CTNND2: variants seen among roughly 807,000 people sequenced by gnomAD.
CTNND2 encodes catenin delta-2.
CTNND2 carries 22 observed loss-of-function variants against 144.4 expected under a neutral mutation model. The ratio of observed to expected loss-of-function variants is 0.15; its 90% CI spans 0.11 to 0.22. CTNND2 has a LOEUF of 0.22. CTNND2 is among the 10% of genes least tolerant of loss of function. CTNND2 has a pLI of 1.00. For synonymous variants in CTNND2, 751 were observed against 695.6 expected, an observed-to-expected ratio of 1.08 and a Z score of -1.25; for missense variants, 1,353 against 1,618.8, an observed-to-expected ratio of 0.84 and a Z score of 2.82.
chr5:11,871,908 C>A (rs1735160544), intron 1 of CTNND2, among the ~76,000 whole-genome samples: 1 of 152,104 alleles, frequency 6.6e-6, no homozygotes, highest in Non-Finnish European at 1.5e-5. Context: ...AAAATCTATT[C>A]ATTCTTTTTT....
In CTNND2 at chr5:11,282,465, T is replaced by C. The variant is rs1290232513; in HGVS notation, c.1629-45642A>G. Among the ~76,000 whole-genome samples the C allele has an allele frequency of 2.6e-5, 4 of 152,102 alleles. No homozygotes were observed. The East Asian group carries it at 7.7e-4, about 29-fold the overall frequency. ...AATCACGTGTTGTTTTGAAAATCAC[T>C]CCAAGGTGGTTCTGATAAGCTCCAA... On this transcript the variant is annotated intron_variant, in intron 9 of 21. Transcript: ENST00000304623.
At chr5:11,126,000 T>A (rs762021139) in intron 12 of CTNND2, among the ~76,000 whole-genome samples, 16 of 152,320 alleles carry the variant, frequency 1.1e-4, no homozygotes, top group Admixed American at 2.0e-4. Flanking sequence ...ACTTTTGGTA[T>A]CTCATGGTAT....
At position 11,132,098 on chromosome 5, in the gene CTNND2, G is replaced by A. The variant is rs186832654; in HGVS notation, c.2160-14531C>T. The stretch of plus-strand genomic sequence containing the variant: ...CTGCATATACTCTCACATACTCTTG[G>A]GTCTTAACCCTTTGTTTTGTGCAAT... On this transcript the variant is annotated intron_variant, in intron 12 of 21. Transcript: ENST00000304623. Among the ~76,000 whole-genome samples, 438 of 152,208 alleles carry A rather than the reference G, an allele frequency of 2.9e-3. 3 individuals are homozygous for A. The highest frequency in any genetic ancestry group is 4.2e-3 in the Non-Finnish European group (284 of 68,002).
intron 1 of CTNND2, among the ~76,000 whole-genome samples, chr5:11,813,591 A>C (rs1026457774): frequency 6.6e-6 from 1 of 152,222 alleles, no homozygotes; most frequent in Non-Finnish European, 1.5e-5. Context: ...GGTGATACAT[A>C]TATCTCATTC....
At chr5:11,507,105 G>A (rs1405374801) in intron 3 of CTNND2, among the ~76,000 whole-genome samples, 2 of 152,092 alleles carry the variant, frequency 1.3e-5, no homozygotes, top group East Asian at 1.9e-4. Context: ...ACTGTAATAG[G>A]CTCGTACCTG....
chr5:11,131,572 G>A (rs900265587), intron 12 of CTNND2, among the ~76,000 whole-genome samples: 1 of 152,196 alleles, frequency 6.6e-6, no homozygotes, highest in Admixed American at 6.5e-5. Context: ...CGGATAACGA[G>A]GTCAGGAGAT....
At chr5:11,243,650 A>C (rs1246966720) in intron 9 of CTNND2, among the ~76,000 whole-genome samples, 1 of 152,250 alleles carries the variant, frequency 6.6e-6, no homozygotes, top group Non-Finnish European at 1.5e-5. Context: ...ACAGGCCCAC[A>C]ATATTGTGAG....
chr5:11,641,223 A>G (rs1272900074), intron 2 of CTNND2, among the ~76,000 whole-genome samples: 6 of 152,154 alleles, frequency 3.9e-5, no homozygotes, highest in Admixed American at 1.3e-4. Context: ...AAAGAATCAA[A>G]TATGAACATA....
intron 3 of CTNND2, among the ~76,000 whole-genome samples, chr5:11,491,452 G>A (rs1039722114): frequency 2.0e-5 from 3 of 152,150 alleles, no homozygotes; most frequent in Non-Finnish European, 4.4e-5. Context: ...CCCATTTTAT[G>A]GAAGAGTAAC....
At chr5:11,232,826 C>T (rs933245922) in intron 10 of CTNND2, among the ~76,000 whole-genome samples, 10 of 152,144 alleles carry the variant, frequency 6.6e-5, no homozygotes, top group African/African-American at 1.7e-4. Flanking sequence ...TGTGTCCCCA[C>T]CCAAATCTCA....
intron 3 of CTNND2, among the ~76,000 whole-genome samples, chr5:11,509,619 G>A (rs527260870): frequency 6.6e-6 from 1 of 152,240 alleles, no homozygotes; most frequent in East Asian, 1.9e-4. Flanking sequence ...AAACAAATGA[G>A]AAATTTAAAC....
chr5:11,817,993 T>TG (rs1013765932), intron 1 of CTNND2, among the ~76,000 whole-genome samples: 84 of 66,538 alleles, frequency 1.3e-3, no homozygotes, highest in South Asian at 6.3e-3. Flanking sequence ...TTTTTTTTTT[T>TG]TTTTTTTTTT....
At chr5:11,147,152 T>C (rs1183812882) in intron 12 of CTNND2, among the ~76,000 whole-genome samples, 1 of 152,190 alleles carries the variant, frequency 6.6e-6, no homozygotes. Flanking sequence ...ATCAAAGACA[T>C]GATCGTCATG....
Position 11,346,388 on chromosome 5 carries a change from T to C in CTNND2, c.1612A>G (p.Ile538Val), listed in dbSNP as rs748362074. Residue 538 changes from isoleucine (I) to valine (V), a missense_variant, in exon 9 of 22, where the codon ATT becomes GTT. Ile to Val is a conservative substitution (Grantham distance 29). Transcript: ENST00000304623. Reference sequence around the variant, plus strand: ...TTTACCCACCTGGGATCTTTCTGAATGCTATCAATGGACGGGGACCTGGCC... The same window carrying C: ...TTTACCCACCTGGGATCTTTCTGAACGCTATCAATGGACGGGGACCTGGCC... Reference protein sequence around the residue: ...TLARSPSIDSIQKDPREFGWR... With the variant: ...TLARSPSIDSVQKDPREFGWR... 2 of 1,467,432 alleles carry C rather than the reference T, an allele frequency of 1.4e-6. No homozygotes were observed. The highest frequency in any genetic ancestry group is 1.8e-6 in the Non-Finnish European group (2 of 1,105,038). 90.9% of individuals were successfully genotyped at this position (1,467,432 alleles called of 1,614,324 possible).
At chr5:11,228,067 C>T (rs423276) in intron 10 of CTNND2, among the ~76,000 whole-genome samples, 133,033 of 151,988 alleles carry the variant, frequency 0.88, 58,305 homozygotes, top group East Asian at 0.97. Flanking sequence ...GTTGGCTGGG[C>T]GTGATGGTTC....
chr5:11,875,224 A>G (rs1224045780), intron 1 of CTNND2, among the ~76,000 whole-genome samples: 3 of 152,194 alleles, frequency 2.0e-5, no homozygotes, highest in Admixed American at 1.3e-4. Flanking sequence ...GCTAGCTGTT[A>G]GACGATTATA....
At chr5:11,354,014 C>T (rs938048010) in intron 8 of CTNND2, among the ~76,000 whole-genome samples, 5 of 151,950 alleles carry the variant, frequency 3.3e-5, no homozygotes, top group Non-Finnish European at 7.4e-5. Context: ...ATGAGGGGAC[C>T]GAGCAAACTC....
chr5:11,414,307 C>T (rs1266001625), intron 3 of CTNND2, among the ~76,000 whole-genome samples: 2 of 152,100 alleles, frequency 1.3e-5, no homozygotes, highest in African/African-American at 2.4e-5. Context: ...TTTTAAGTCA[C>T]CCAGTTGTGG....
chr5:11,114,747 G>A (rs1753372289), intron 13 of CTNND2, among the ~76,000 whole-genome samples: 1 of 152,154 alleles, frequency 6.6e-6, no homozygotes, highest in African/African-American at 2.4e-5. Context: ...TCACAAGCTT[G>A]TATGGAATCC....
Sources: allele counts gnomAD v4.1 joint callset (sites outside exome capture counted in the v4.1 genomes callset), GRCh38; gene constraint gnomAD v4.1.1; transcripts MANE v1.5; gene names NCBI Gene and HGNC (gene_info 2026-07-23, HGNC 2026-07-21).